The following TRIP4 variants were observed in gnomAD, a reference collection of about 807,000 sequenced individuals.
The protein encoded by TRIP4 is thyroid hormone receptor interactor 4.
In TRIP4, 54 loss-of-function variants were observed where a neutral mutation model predicts 81.8. The ratio of observed to expected loss-of-function variants is 0.66; its 90% CI spans 0.53 to 0.83. The LOEUF is 0.83. TRIP4 is among the 40% of genes least tolerant of loss of function. The pLI is 0.00. For missense variants in TRIP4, 662 were observed against 683.6 expected (o/e 0.97, Z 0.35); for synonymous variants, 270 against 242.8 (o/e 1.11, Z -1.04).
At chr15:64,435,836 A>AG (rs1892380580) in intron 11 of TRIP4, among the ~76,000 whole-genome samples, 1 of 149,392 alleles carries the variant, frequency 6.7e-6, no homozygotes, top group Non-Finnish European at 1.5e-5. Flanking sequence ...AAAAAAAAAA[A>AG]AAAAAAAGAC....
chr15:64,435,132 C>T (rs1484725002), intron 11 of TRIP4, among the ~76,000 whole-genome samples: 1 of 139,998 alleles, frequency 7.1e-6, no homozygotes, highest in Admixed American at 8.1e-5. Flanking sequence ...GGGAGGATCC[C>T]TTGAGCCGGG....
chr15:64,393,870 C>A, intron 1 of TRIP4, 76 bp from the exon 2 acceptor site: 1 of 1,388,680 alleles, frequency 7.2e-7, no homozygotes, highest in South Asian at 1.6e-5. Context: ...TTTTTACTAC[C>A]TAGATCTCTG....
chr15:64,399,947 T>G (rs1891451017), intron 4 of TRIP4, among the ~76,000 whole-genome samples: 1 of 148,466 alleles, frequency 6.7e-6, no homozygotes, highest in Non-Finnish European at 1.5e-5. Context: ...CGCACTCCAG[T>G]CTGGGTGACA....
rs1317998330 is a variant in TRIP4 at position 64,387,896 on chromosome 15, G to GCTGGTGCA, written c.43_50dup (p.Gln18GlyfsTer50). On this transcript the variant is annotated frameshift_variant, in exon 1 of 13. Transcript: ENST00000261884. LOFTEE classifies it high-confidence loss of function. Reference sequence around the variant, plus strand: ...TGGCTGGGGCGGTGTCCGGGGAGCCGCTGGTGCACTGGTGCACCCAGCAGT... The same window carrying GCTGGTGCA: ...TGGCTGGGGCGGTGTCCGGGGAGCCGCTGGTGCACTGGTGCACTGGTGCACCCAGCAGT... 23 of 1,549,462 alleles carry GCTGGTGCA rather than the reference G, an allele frequency of 1.5e-5. No homozygotes were observed. Among genetic ancestry groups the GCTGGTGCA allele is most frequent in the Non-Finnish European group, 1.8e-5 (21 of 1,146,962 alleles).
At chr15:64,395,294 C>T in intron 2 of TRIP4, 104 bp from the exon 3 acceptor site, 3 of 938,380 alleles carry the variant, frequency 3.2e-6, no homozygotes, top group Non-Finnish European at 4.4e-6. Context: ...GATATCTTGA[C>T]TCTAAATATT....
intron 12 of TRIP4, among the ~76,000 whole-genome samples, chr15:64,449,071 G>A (rs1892694942): frequency 6.6e-6 from 1 of 151,982 alleles, no homozygotes; most frequent in African/African-American, 2.4e-5. Context: ...AATTATTCCA[G>A]TGTGGTGGCG....
chr15:64,398,060 C>T (rs748022651), intron 4 of TRIP4, among the ~76,000 whole-genome samples: 2 of 152,014 alleles, frequency 1.3e-5, no homozygotes, highest in Non-Finnish European at 1.5e-5. Context: ...GCCACCACGC[C>T]CAGCTAATTT....
chr15:64,392,730 T>G (rs1360236902), intron 1 of TRIP4, among the ~76,000 whole-genome samples: 1 of 152,084 alleles, frequency 6.6e-6, no homozygotes, highest in Non-Finnish European at 1.5e-5. Flanking sequence ...TCCTTCCACC[T>G]CAGCCTCCCA....
intron 1 of TRIP4, among the ~76,000 whole-genome samples, chr15:64,391,827 C>T (rs1001958343): frequency 4.0e-5 from 6 of 151,214 alleles, no homozygotes; most frequent in African/African-American, 1.2e-4. Context: ...AAAAATTAGC[C>T]GGGCGCAGTG....
At position 64,403,450 on chromosome 15, in the gene TRIP4, C is replaced by T. The variant is rs140680617; in HGVS notation, c.697+2629C>T. ...CTGGAATTACAGGCATGAGCCACCG[C>T]GCCCAGCAGTTAAGGACACTATTAA... On this transcript the variant is annotated intron_variant, in intron 5 of 12. Transcript: ENST00000261884. 8.4e-3 allele frequency among the ~76,000 whole-genome samples: 1,285 copies of T among 152,264 alleles called. 16 individuals carry two copies. The highest frequency in any genetic ancestry group is 0.029 in the African/African-American group (1,213 of 41,566).
At chr15:64,448,622 C>T (rs1268037213) in intron 12 of TRIP4, among the ~76,000 whole-genome samples, 1 of 152,094 alleles carries the variant, frequency 6.6e-6, no homozygotes, top group Non-Finnish European at 1.5e-5. Flanking sequence ...CGCCTCCATG[C>T]TTGGCTAATT....
intron 8 of TRIP4, among the ~76,000 whole-genome samples, chr15:64,415,512 T>C (rs181056406): frequency 6.6e-6 from 1 of 152,298 alleles, no homozygotes; most frequent in Admixed American, 6.5e-5. Flanking sequence ...CTTACTTACC[T>C]CTTTAAGATT....
At position 64,433,987 on chromosome 15, in the gene TRIP4, G is replaced by A. The variant is rs185652922; in HGVS notation, c.1575+8356G>A. ...TGTGGCCCAGGACAATTCTTCCAGC[G>A]TGGCCCAGAGAAGCCAAAAGATTGA... On this transcript the variant is annotated intron_variant, in intron 11 of 12. Coordinates refer to ENST00000261884, the MANE Select transcript of TRIP4 (RefSeq NM_016213.5). Among the ~76,000 whole-genome samples the A allele has an allele frequency of 2.4e-4, 37 of 152,122 alleles. No homozygotes were observed. In the East Asian group the frequency reaches 5.8e-3, roughly 24 times the overall value.
chr15:64,417,887 C>T (rs1042048633), intron 8 of TRIP4, among the ~76,000 whole-genome samples: 3 of 152,154 alleles, frequency 2.0e-5, no homozygotes, highest in Admixed American at 2.0e-4. Flanking sequence ...GAAAAATTAT[C>T]CAGAACCAAG....
intron 11 of TRIP4, among the ~76,000 whole-genome samples, chr15:64,437,263 T>A (rs1014924283): frequency 1.4e-5 from 2 of 146,426 alleles, no homozygotes; most frequent in Non-Finnish European, 1.5e-5. Flanking sequence ...TACTAAAGAT[T>A]AAAAAAAAAA....
intron 11 of TRIP4, among the ~76,000 whole-genome samples, chr15:64,435,992 C>G (rs887069696): frequency 6.6e-6 from 1 of 151,892 alleles, no homozygotes; most frequent in Non-Finnish European, 1.5e-5. Flanking sequence ...ACAGCTCCTG[C>G]TCATCCTTTA....
intron 1 of TRIP4, 108 bp from the exon 2 acceptor site, chr15:64,393,838 A>T: frequency 9.1e-7 from 1 of 1,099,130 alleles, no homozygotes; most frequent in Non-Finnish European, 1.2e-6. Flanking sequence ...CAAAGTAAAC[A>T]CTCTAATAGA....
At chr15:64,446,829 G>A (rs569601516) in intron 12 of TRIP4, among the ~76,000 whole-genome samples, 34 of 152,002 alleles carry the variant, frequency 2.2e-4, no homozygotes, top group African/African-American at 8.2e-4. Flanking sequence ...AGTGGGCCGG[G>A]CGTGGTGGCT....
chr15:64,435,581 A>G (rs945748785), intron 11 of TRIP4, among the ~76,000 whole-genome samples: 3 of 151,212 alleles, frequency 2.0e-5, no homozygotes, highest in African/African-American at 7.3e-5. Context: ...TCATACATTC[A>G]TTAAGTATTT....
Sources: gnomAD v4.1 joint callset for allele counts (sites outside exome capture counted in the v4.1 genomes callset) on GRCh38, gnomAD v4.1.1 for gene constraint, MANE v1.5 for transcripts, NCBI Gene and HGNC (gene_info 2026-07-23, HGNC 2026-07-21) for gene names.